The following CNKSR3 variants were observed in gnomAD, a reference collection of about 807,000 sequenced individuals.
The protein encoded by CNKSR3 is connector enhancer of kinase suppressor of ras 3.
In CNKSR3, 36 loss-of-function variants were observed where a neutral mutation model predicts 67.7. The ratio of observed to expected loss-of-function variants is 0.53; its 90% confidence interval spans 0.41 to 0.70. CNKSR3 has a LOEUF of 0.70. Ranked by LOEUF, CNKSR3 falls within the 30% of genes least tolerant of loss-of-function variation. The pLI is 0.00. For synonymous variants in CNKSR3, 281 were observed against 271.4 expected (o/e 1.04, Z -0.35); for missense variants, 630 against 695.2 (o/e 0.91, Z 1.05).
At chr6:154,458,335 C>T (rs565177730) in intron 1 of CNKSR3, among the ~76,000 whole-genome samples, 17 of 152,230 alleles carry the variant, frequency 1.1e-4, no homozygotes, top group African/African-American at 3.9e-4. Flanking sequence ...TACAGTTACA[C>T]TGAATTTAAA....
At chr6:154,499,361 T>C (rs61541163) in intron 1 of CNKSR3, among the ~76,000 whole-genome samples, 1 of 152,032 alleles carries the variant, frequency 6.6e-6, no homozygotes, top group East Asian at 1.9e-4. Flanking sequence ...TCCCATTTTA[T>C]CCTGTACCAG....
intron 10 of CNKSR3, among the ~76,000 whole-genome samples, chr6:154,411,694 T>C (rs977290518): frequency 4.2e-5 from 6 of 142,556 alleles, no homozygotes; most frequent in African/African-American, 1.6e-4. Flanking sequence ...TCCAAACAAA[T>C]ATAGCTTTGA....
chr6:154,500,271 A>ACACG (rs1786970730), intron 1 of CNKSR3, among the ~76,000 whole-genome samples: 1 of 150,478 alleles, frequency 6.6e-6, no homozygotes, highest in African/African-American at 2.5e-5. Context: ...ACACACACAC[A>ACACG]CACACACACA....
chr6:154,463,775 G>A (rs1428469804), intron 1 of CNKSR3, among the ~76,000 whole-genome samples: 1 of 152,150 alleles, frequency 6.6e-6, no homozygotes, highest in African/African-American at 2.4e-5. Flanking sequence ...GCTCTCATGA[G>A]CTAAGTGACC....
chr6:154,440,908 T>C (rs1785567007), intron 4 of CNKSR3, among the ~76,000 whole-genome samples: 1 of 151,200 alleles, frequency 6.6e-6, no homozygotes, highest in African/African-American at 2.4e-5. Flanking sequence ...GAGGCCAAAA[T>C]GAAAAGAAAA....
chr6:154,418,457 C>T (rs1311594411), intron 9 of CNKSR3, among the ~76,000 whole-genome samples: 1 of 152,150 alleles, frequency 6.6e-6, no homozygotes, highest in African/African-American at 2.4e-5. Flanking sequence ...TAGCATTCAT[C>T]TCCTCTACCA....
At chr6:154,407,948 T>G (rs1383198426) in intron 12 of CNKSR3, among the ~76,000 whole-genome samples, 3 of 147,446 alleles carry the variant, frequency 2.0e-5, no homozygotes, top group African/African-American at 7.6e-5. Context: ...AGCCATAAGA[T>G]GGCATTCTAA....
At position 154,401,884 on chromosome 6, in the gene CNKSR3, T is replaced by C. The variant is rs1784720868; in HGVS notation, c.*4470A>G. ...GACAGATTTACTTACTCGAGCTCTT[T>C]GGCGGATGAAAAGTTTTGTGTCAAT... On this transcript the variant is annotated 3_prime_UTR_variant, in exon 13 of 13. Coordinates refer to ENST00000607772, the MANE Select transcript of CNKSR3 (RefSeq NM_173515.4). The C allele has an allele frequency of 6.6e-6, 1 of 152,148 alleles. No homozygotes were observed. 9.4% of individuals were successfully genotyped at this position (152,148 alleles called of 1,614,324 possible).
At chr6:154,408,569 G>C (rs1784848192) in intron 12 of CNKSR3, among the ~76,000 whole-genome samples, 1 of 152,200 alleles carries the variant, frequency 6.6e-6, no homozygotes, top group South Asian at 2.1e-4. Flanking sequence ...CTATTTATAT[G>C]AAATGTCCAG....
chr6:154,459,430 T>G (rs1439532156), intron 1 of CNKSR3, among the ~76,000 whole-genome samples: 1 of 152,176 alleles, frequency 6.6e-6, no homozygotes, highest in Non-Finnish European at 1.5e-5. Flanking sequence ...GGCCATTTTT[T>G]GGGGTACCAA....
At chr6:154,415,893 G>A (rs746012184) in intron 9 of CNKSR3, among the ~76,000 whole-genome samples, 1 of 152,094 alleles carries the variant, frequency 6.6e-6, no homozygotes, top group Non-Finnish European at 1.5e-5. Context: ...TTTTCTGGTT[G>A]GTAAAGAACA....
chr6:154,502,189 TTTC>T (rs1404766951), intron 1 of CNKSR3, among the ~76,000 whole-genome samples: 2 of 144,496 alleles, frequency 1.4e-5, no homozygotes, highest in African/African-American at 5.1e-5. Context: ...TTTCCCTATA[TTTC>T]TTCTTTTTTT....
In CNKSR3 at chr6:154,454,102, C is replaced by CAGAGAGAGAGAG. The variant is rs1357528671; in HGVS notation, c.53-3845_53-3844insCTCTCTCTCTCT. On this transcript the variant is annotated intron_variant, in intron 1 of 12. Coordinates refer to ENST00000607772, the MANE Select transcript of CNKSR3 (RefSeq NM_173515.4). ...ATGAAAACACACACACACACACACA[C>CAGAGAGAGAGAG]ACAGAGAGAGAGAGAGAGAGAGAGA... 1.1e-3 allele frequency among the ~76,000 whole-genome samples: 131 copies of CAGAGAGAGAGAG among 115,266 alleles called. 1 individual carries two copies. Among genetic ancestry groups the CAGAGAGAGAGAG allele is most frequent in the African/African-American group, 4.2e-3 (123 of 29,484 alleles). The allele number at this position is 115,266 out of a possible 152,430, so 75.6% of individuals were successfully genotyped here.
chr6:154,463,262 G>T (rs1786121783), intron 1 of CNKSR3, among the ~76,000 whole-genome samples: 1 of 151,804 alleles, frequency 6.6e-6, no homozygotes, highest in African/African-American at 2.4e-5. Context: ...GTAGAGACAG[G>T]TTTTCACCGT....
chr6:154,501,763 T>TGG (rs1248790834), intron 1 of CNKSR3, among the ~76,000 whole-genome samples: 1 of 152,206 alleles, frequency 6.6e-6, no homozygotes, highest in Non-Finnish European at 1.5e-5. Flanking sequence ...ATCTGTTTTG[T>TGG]GGTTGGTGGT....
rs549708454 is a variant in CNKSR3, at chr6:154,460,368, T to C, written c.53-10110A>G. ...GGCAGGGAAGAAACACAACATTGAC[T>C]TATATGTTTGAAGGTGTGTGTGCGT... On this transcript the variant is annotated intron_variant, in intron 1 of 12. Coordinates refer to ENST00000607772, the MANE Select transcript of CNKSR3 (RefSeq NM_173515.4). 1.9e-3 allele frequency among the ~76,000 whole-genome samples: 294 copies of C among 152,278 alleles called. 1 individual carries two copies. The highest frequency in any genetic ancestry group is 6.8e-3 in the African/African-American group (281 of 41,562).
At chr6:154,437,795 A>G (rs1785503293) in intron 4 of CNKSR3, among the ~76,000 whole-genome samples, 1 of 152,178 alleles carries the variant, frequency 6.6e-6, no homozygotes, top group African/African-American at 2.4e-5. Context: ...AGTTCAGAAA[A>G]TGATATCCTG....
intron 1 of CNKSR3, among the ~76,000 whole-genome samples, chr6:154,471,480 C>T (rs769652599): frequency 6.6e-5 from 10 of 152,122 alleles, no homozygotes; most frequent in Non-Finnish European, 1.5e-4. Flanking sequence ...GCGGAGGTTG[C>T]AGTGAGCCAA....
rs1449516173 is a variant in CNKSR3 at position 154,433,515 on chromosome 6, AG to A, written c.508-9del. The A allele has an allele frequency of 6.3e-7, 1 of 1,582,614 alleles. No individual in the cohort carries two copies. ...TTCCGCTACAAAGCAATCCTAAAGA[AG>A]GGGATGGAGAAAATGAATACTAAGT... On this transcript the variant is annotated splice_polypyrimidine_tract_variant and intron_variant, in intron 4 of 12. Coordinates refer to ENST00000607772, the MANE Select transcript of CNKSR3 (RefSeq NM_173515.4).
Sources: gnomAD v4.1 joint callset for allele counts (sites outside exome capture counted in the v4.1 genomes callset) on GRCh38, gnomAD v4.1.1 for gene constraint, MANE v1.5 for transcripts, NCBI Gene and HGNC (gene_info 2026-07-23, HGNC 2026-07-21) for gene names.